The following MBTPS2 variants were observed in gnomAD, a reference collection of about 807,000 sequenced individuals.
MBTPS2 encodes the protein membrane-bound transcription factor site-2 protease.
A neutral mutation model predicts 35.4 loss-of-function variants in MBTPS2; 2 were observed. The observed-to-expected ratio is 0.06, with a 90% confidence interval of 0.02 to 0.18. The LOEUF is 0.18. Ranked by LOEUF, MBTPS2 falls within the 10% of genes least tolerant of loss-of-function variation. The pLI, the probability that MBTPS2 is intolerant of heterozygous loss-of-function variation, is 1.00. For synonymous variants in MBTPS2, 125 were observed against 140.4 expected, an observed-to-expected ratio of 0.89 and a Z score of 0.77; for missense variants, 244 against 386.5, an observed-to-expected ratio of 0.63 and a Z score of 3.09.
In MBTPS2 at chrX:21,884,700, C is replaced by G. The variant is rs1195933735; in HGVS notation, c.*2045C>G. ...TTGTGGGCACTTCTACAGCAAGGAC[C>G]ATATCATATTCATCTTTGCATCCCT... On this transcript the variant is annotated 3_prime_UTR_variant, in exon 11 of 11. Coordinates refer to ENST00000379484, the MANE Select transcript of MBTPS2 (RefSeq NM_015884.4). 1 of 694,228 alleles carries G rather than the reference C, an allele frequency of 1.4e-6. No homozygotes were observed. Among genetic ancestry groups the G allele is most frequent in the Non-Finnish European group, 1.7e-6 (1 of 585,934 alleles). 57.2% of individuals were successfully genotyped at this position (694,228 alleles called of 1,213,427 possible). A position where few individuals can be genotyped will look rare whatever the true frequency, so the allele number is the denominator to read the frequency against.
chrX:21,862,732 A>C (rs1466183521), intron 5 of MBTPS2, among the ~76,000 whole-genome samples: 1 of 101,592 alleles, frequency 9.8e-6, no homozygotes, highest in Admixed American at 1.1e-4. Flanking sequence ...AATGGCGTGA[A>C]CCCGGGAGGC....
At chrX:21,855,833 G>A (rs1602141766) in intron 5 of MBTPS2, among the ~76,000 whole-genome samples, 1 of 105,250 alleles carries the variant, frequency 9.5e-6, no homozygotes, top group Non-Finnish European at 2.0e-5. Context: ...CCTGGGCGAC[G>A]GAGCGAGACT....
At chrX:21,877,627 G>A (rs2092954644) in intron 7 of MBTPS2, among the ~76,000 whole-genome samples, 1 of 111,487 alleles carries the variant, frequency 9.0e-6, no homozygotes, top group South Asian at 3.8e-4. Flanking sequence ...GGATGTCTTA[G>A]GCAACCTCTG....
intron 5 of MBTPS2, among the ~76,000 whole-genome samples, chrX:21,867,316 G>A (rs2092941390): frequency 9.0e-6 from 1 of 111,484 alleles, no homozygotes; most frequent in East Asian, 2.8e-4. Flanking sequence ...GTAATTATTA[G>A]CTAAACATTT....
rs776161712 is a variant in MBTPS2 at position 21,883,616 on chromosome X, A to G, written c.*961A>G. ...CCTGGGTTCCTGTCTCCAAGAAGCA[A>G]TGACCTTAAACTCTGAGCCATACTC... is the stretch of plus-strand genomic sequence containing the variant. On this transcript the variant is annotated 3_prime_UTR_variant, in exon 11 of 11. Transcript: ENST00000379484. 1.6e-4 allele frequency: 117 copies of G among 751,953 alleles called. No homozygotes were observed. The highest frequency in any genetic ancestry group is 1.8e-4 in the Non-Finnish European group (112 of 638,832). 62.0% of individuals were successfully genotyped at this position (751,953 alleles called of 1,213,427 possible).
Position 21,882,998 on chromosome X carries a change from G to T in MBTPS2, c.*343G>T. 1 of 838,430 alleles carries T rather than the reference G, an allele frequency of 1.2e-6. No homozygotes were observed. The allele number at this position is 838,430 out of a possible 1,213,427, so 69.1% of individuals were successfully genotyped here. ...GTATAAAGGAGAACAGAACTGGGTGGAATTAATTGGGAAAAACTTCTTACA... is the reference window on the plus strand; with the variant it reads ...GTATAAAGGAGAACAGAACTGGGTGTAATTAATTGGGAAAAACTTCTTACA... On this transcript the variant is annotated 3_prime_UTR_variant, in exon 11 of 11. Coordinates refer to ENST00000379484, the MANE Select transcript of MBTPS2 (RefSeq NM_015884.4).
At chrX:21,854,522 A>G (rs1210856701) in intron 5 of MBTPS2, among the ~76,000 whole-genome samples, 2 of 112,179 alleles carry the variant, frequency 1.8e-5, no homozygotes, top group Non-Finnish European at 3.8e-5. Context: ...TAACATGCAA[A>G]TGGGAACAGA....
chrX:21,848,255 A>G (rs992869888), intron 3 of MBTPS2, among the ~76,000 whole-genome samples: 1 of 110,716 alleles, frequency 9.0e-6, no homozygotes, highest in Non-Finnish European at 1.9e-5. Flanking sequence ...CCCCGTCCCT[A>G]CTAAAAATAC....
intron 5 of MBTPS2, among the ~76,000 whole-genome samples, chrX:21,859,018 C>T (rs1469649469): frequency 2.7e-5 from 3 of 109,844 alleles, no homozygotes; most frequent in Non-Finnish European, 5.7e-5. Context: ...CCAGCCTGTC[C>T]AACATGGTGA....
chrX:21,845,898 C>A (rs2092908177), intron 3 of MBTPS2, among the ~76,000 whole-genome samples: 1 of 111,864 alleles, frequency 8.9e-6, no homozygotes, highest in Non-Finnish European at 1.9e-5. Flanking sequence ...CATGTGTAGA[C>A]CTATACCTTA....
chrX:21,876,630 T>G, intron 7 of MBTPS2, among the ~76,000 whole-genome samples: 1 of 110,348 alleles, frequency 9.1e-6, no homozygotes, highest in Admixed American at 9.7e-5. Flanking sequence ...CCAGTTAGTT[T>G]CCTTTGCCTC....
At chrX:21,856,280 CG>C in intron 5 of MBTPS2, 1 of 287,090 alleles carries the variant, frequency 3.5e-6, no homozygotes, top group East Asian at 7.3e-5. Context: ...TCCTCAGTCT[CG>C]CGCCTTTCTC....
At chrX:21,860,509 C>G (rs2092930122) in intron 5 of MBTPS2, among the ~76,000 whole-genome samples, 2 of 112,333 alleles carry the variant, frequency 1.8e-5, no homozygotes, top group Non-Finnish European at 3.8e-5. Context: ...GTTTGCAGTA[C>G]TTATAATCCA....
intron 5 of MBTPS2, chrX:21,856,258 C>G: frequency 2.4e-6 from 1 of 415,696 alleles, no homozygotes; most frequent in Non-Finnish European, 4.1e-6. Flanking sequence ...CTGCGCCTTC[C>G]GGCTCGTGCT....
At chrX:21,847,611 A>G (rs1316448880) in intron 3 of MBTPS2, among the ~76,000 whole-genome samples, 1 of 112,226 alleles carries the variant, frequency 8.9e-6, no homozygotes, top group Non-Finnish European at 1.9e-5. Context: ...TTCTTACTTT[A>G]TCTCACTCAC....
At chrX:21,842,598 C>G (rs1026539631) in intron 1 of MBTPS2, among the ~76,000 whole-genome samples, 1 of 111,243 alleles carries the variant, frequency 9.0e-6, no homozygotes, top group East Asian at 2.8e-4. Context: ...ATGCCCCCCC[C>G]AAAAGTAAAG....
Position 21,847,543 on chromosome X carries a change from C to T in MBTPS2, c.438+2159C>T, listed in dbSNP as rs752069384. ...ATCATGGCAGAGACAGATGGGCAATCGTGTACTGTTGCCAGCAAATAAGAC... is the reference window on the plus strand; with the variant it reads ...ATCATGGCAGAGACAGATGGGCAATTGTGTACTGTTGCCAGCAAATAAGAC... On this transcript the variant is annotated intron_variant, in intron 3 of 10. Coordinates refer to ENST00000379484, the MANE Select transcript of MBTPS2 (RefSeq NM_015884.4). Among the ~76,000 whole-genome samples the T allele has an allele frequency of 4.5e-5, 5 of 111,967 alleles. No individual in the cohort carries two copies. The East Asian group carries it at 1.1e-3, about 25-fold the overall frequency.
chrX:21,868,932 T>C (rs2092943863), intron 6 of MBTPS2, among the ~76,000 whole-genome samples: 2 of 112,613 alleles, frequency 1.8e-5, no homozygotes, highest in South Asian at 7.2e-4. Context: ...GTAAGAAAGA[T>C]GAAACCTAGG....
chrX:21,862,102 G>C (rs1481704887), intron 5 of MBTPS2, among the ~76,000 whole-genome samples: 1 of 111,437 alleles, frequency 9.0e-6, no homozygotes, highest in African/African-American at 3.3e-5. Flanking sequence ...CCTAAATCCA[G>C]CTCCATCATA....
Sources: allele counts gnomAD v4.1 joint callset (sites outside exome capture counted in the v4.1 genomes callset), GRCh38; gene constraint gnomAD v4.1.1; transcripts MANE v1.5; gene names NCBI Gene and HGNC (gene_info 2026-07-23, HGNC 2026-07-21).